Variants in ELF1 observed in about 807,000 individuals in gnomAD.
The protein encoded by ELF1 is E74 like ETS transcription factor 1, also known as ETS-related transcription factor Elf-1.
Under a neutral mutation model 59.9 loss-of-function variants are expected in ELF1, and 24 were observed. That is an observed-to-expected ratio of 0.40 (90% CI 0.29 to 0.56). The LOEUF is 0.56. Among genes scored for constraint, ELF1 ranks in the 20% least tolerant of loss-of-function variants. The pLI is 0.44. For missense variants in ELF1, 627 were observed against 742.2 expected (o/e 0.84, Z 1.80); for synonymous variants, 248 against 266.2 (o/e 0.93, Z 0.67).
Position 40,959,006 on chromosome 13 carries a change from G to A in ELF1, c.83C>T (p.Pro28Leu). The A allele has an allele frequency of 5.0e-6, 8 of 1,608,660 alleles. No homozygotes were observed. The highest frequency in any genetic ancestry group is 6.8e-6 in the Non-Finnish European group (8 of 1,177,374). Residue 28 changes from proline to leucine, a missense_variant, in exon 3 of 9, where the codon CCA becomes CTA. Physicochemically the swap from Pro to Leu is moderately conservative, Grantham distance 98 (BLOSUM62 -3). Transcript: ENST00000239882. ...VMEDERQLGD[P>L]AIFPAVIVEH... The stretch of plus-strand genomic sequence containing the variant: ...CACAATTACGGCAGGAAAAATAGCT[G>A]GATCACCAAGCTGGGAAGGGTTAGG...
intron 2 of ELF1, among the ~76,000 whole-genome samples, chr13:40,960,572 C>T (rs1220397749): frequency 6.6e-6 from 1 of 152,154 alleles, no homozygotes; most frequent in Non-Finnish European, 1.5e-5. Context: ...TATTTGTCCC[C>T]CCATTGCTGG....
upstream of ELF1, among the ~76,000 whole-genome samples, chr13:41,020,378 T>C (rs1190362586): frequency 2.6e-5 from 4 of 152,246 alleles, no homozygotes; most frequent in Admixed American, 6.5e-5. Context: ...GCCTTCGTCC[T>C]GGTATCTTAC....
intron 1 of ELF1, among the ~76,000 whole-genome samples, chr13:41,052,422 T>C (rs1173214653): frequency 6.6e-6 from 1 of 152,194 alleles, no homozygotes; most frequent in Non-Finnish European, 1.5e-5. Flanking sequence ...GTAAGTTCAT[T>C]GTCATTTACA....
chr13:41,031,725 C>T (rs749031047), intron 1 of ELF1, among the ~76,000 whole-genome samples: 1 of 146,076 alleles, frequency 6.8e-6, no homozygotes, highest in Non-Finnish European at 1.5e-5. Context: ...GAGGCTGAGA[C>T]AGAGAATTGC....
intron 1 of ELF1, among the ~76,000 whole-genome samples, chr13:41,055,382 T>C (rs1010796622): frequency 3.3e-5 from 5 of 151,472 alleles, no homozygotes; most frequent in African/African-American, 1.2e-4. Context: ...CTCAATGCCT[T>C]GTCCCCATCC....
chr13:41,046,838 C>T (rs1338784099), intron 1 of ELF1, among the ~76,000 whole-genome samples: 1 of 152,168 alleles, frequency 6.6e-6, no homozygotes, highest in African/African-American at 2.4e-5. Flanking sequence ...GCCTGCCTTG[C>T]CAGATTGGGG....
intron 2 of ELF1, among the ~76,000 whole-genome samples, chr13:40,979,556 C>G (rs989250570): frequency 3.9e-5 from 6 of 152,116 alleles, no homozygotes; most frequent in African/African-American, 1.4e-4. Context: ...TACATCATAG[C>G]AAAATGCTGG....
In ELF1 at chr13:40,940,994, C is replaced by T; in HGVS notation, c.1183G>A (p.Val395Ile). 2 of 1,614,232 alleles carry T rather than the reference C, an allele frequency of 1.2e-6. No individual in the cohort carries two copies. The highest frequency in any genetic ancestry group is 1.7e-6 in the Non-Finnish European group (2 of 1,180,048). ...TVHVVQPVQA[V>I]PEGEAARTST... ...GTTCTAGCTGCTTCTCCCTCTGGGA[C>T]AGCCTGTACTGGCTGTACTACATGA... is the stretch of plus-strand genomic sequence containing the variant. The change falls in exon 8 of 9, where the codon GTC (valine) becomes ATC (isoleucine). Residue 395 changes from valine (V) to isoleucine (I), a missense_variant. Val to Ile is a conservative substitution (Grantham distance 29, BLOSUM62 3). This residue lies in a region of ELF1 where 361 missense variants were observed against 396.1 expected (regional missense o/e 0.91). Coordinates refer to ENST00000239882, the MANE Select transcript of ELF1 (RefSeq NM_172373.4).
intron 1 of ELF1, among the ~76,000 whole-genome samples, chr13:41,039,218 G>A (rs575912370): frequency 1.3e-5 from 2 of 150,652 alleles, no homozygotes; most frequent in East Asian, 1.9e-4. Context: ...TGGGTAACAC[G>A]GCAATACCCC....
intron 2 of ELF1, among the ~76,000 whole-genome samples, chr13:40,981,333 T>C (rs1473254102): frequency 6.6e-6 from 1 of 151,690 alleles, no homozygotes; most frequent in Non-Finnish European, 1.5e-5. Context: ...AGTTCTTTTG[T>C]GTGTGTGTGT....
chr13:40,961,842 C>T (rs1384620847), intron 2 of ELF1, among the ~76,000 whole-genome samples: 1 of 152,188 alleles, frequency 6.6e-6, no homozygotes, highest in East Asian at 1.9e-4. Flanking sequence ...GAGCTCATCA[C>T]TTCATCCACT....
chr13:41,036,633 T>C (rs1876391873), intron 1 of ELF1, among the ~76,000 whole-genome samples: 1 of 152,228 alleles, frequency 6.6e-6, no homozygotes, highest in Non-Finnish European at 1.5e-5. Flanking sequence ...TAAATCATGC[T>C]GCTATGAAGA....
Position 40,981,131 on chromosome 13 carries a change from T to C in ELF1, c.72+852A>G, listed in dbSNP as rs1020824155. Among the ~76,000 whole-genome samples, 13 of 152,268 alleles carry C rather than the reference T, an allele frequency of 8.5e-5. No individual in the cohort carries two copies. The Middle Eastern group carries it at 0.01, about 120-fold the overall frequency. On this transcript the variant is annotated intron_variant, in intron 2 of 8. Transcript: ENST00000239882. ...CATATTATAATTGGCCTATTAAAATTAGGTGTTGAGCATTAGGCTTATTTC... is the reference window on the plus strand; with the variant it reads ...CATATTATAATTGGCCTATTAAAATCAGGTGTTGAGCATTAGGCTTATTTC...
At chr13:40,964,442 C>T (rs1449613296) in intron 2 of ELF1, among the ~76,000 whole-genome samples, 2 of 152,080 alleles carry the variant, frequency 1.3e-5, no homozygotes, top group Admixed American at 1.3e-4. Flanking sequence ...AGGTCTCTCT[C>T]TTTGACTTAT....
chr13:41,002,346 C>T (rs1874501336), intron 1 of ELF1, among the ~76,000 whole-genome samples: 1 of 151,908 alleles, frequency 6.6e-6, no homozygotes, highest in African/African-American at 2.4e-5. Flanking sequence ...AGATGGCCTG[C>T]AGAAATCATA....
At chr13:41,059,511 G>A (rs1258795495) in intron 1 of ELF1, among the ~76,000 whole-genome samples, 1 of 152,176 alleles carries the variant, frequency 6.6e-6, no homozygotes. Flanking sequence ...TGCAGTTAAA[G>A]CTACAAAATA....
intron 5 of ELF1, among the ~76,000 whole-genome samples, chr13:40,945,300 C>T (rs530610723): frequency 6.6e-6 from 1 of 152,276 alleles, no homozygotes; most frequent in South Asian, 2.1e-4. Context: ...CCTAATCATT[C>T]AAGGTGGTAA....
chr13:40,948,402 T>A (rs140867860), intron 5 of ELF1, among the ~76,000 whole-genome samples: 1 of 152,194 alleles, frequency 6.6e-6, no homozygotes, highest in African/African-American at 2.4e-5. Context: ...CGATACCCCA[T>A]CTTGCGTAGC....
intron 1 of ELF1, among the ~76,000 whole-genome samples, chr13:41,013,906 G>A (rs1452410271): frequency 1.3e-5 from 2 of 150,966 alleles, no homozygotes; most frequent in East Asian, 3.9e-4. Flanking sequence ...ACTATTTATG[G>A]GATTGTTTTC....
Sources: gnomAD v4.1 joint callset for allele counts (sites outside exome capture counted in the v4.1 genomes callset) on GRCh38, gnomAD v4.1.1 for gene constraint, gnomAD v4.1.1 regional missense constraint, MANE v1.5 for transcripts, NCBI Gene and HGNC (gene_info 2026-07-23, HGNC 2026-07-21) for gene names.